Variants in SLC6A6 observed in about 807,000 individuals in gnomAD.
SLC6A6 encodes solute carrier family 6 member 6.
In SLC6A6, 16 loss-of-function variants were observed where a neutral mutation model predicts 68.8. That is an observed-to-expected ratio of 0.23 (90% CI 0.16 to 0.35). The LOEUF (loss-of-function observed/expected upper bound fraction) is 0.35. Ranked by LOEUF, SLC6A6 falls within the 10% of genes least tolerant of loss-of-function variation. The pLI is 1.00. For missense variants in SLC6A6, 474 were observed against 802.8 expected (o/e 0.59, Z 4.95); for synonymous variants, 312 against 315.4 (o/e 0.99, Z 0.12).
chr3:14,412,945 A>T (rs1699282361), intron 1 of SLC6A6, among the ~76,000 whole-genome samples: 1 of 152,218 alleles, frequency 6.6e-6, no homozygotes, highest in Admixed American at 6.5e-5. Flanking sequence ...GGCCAGCGCC[A>T]CCTTGGAAAG....
intron 2 of SLC6A6, 86 bp from the exon 3 acceptor site, chr3:14,443,538 T>C (rs1368817848): frequency 3.1e-6 from 3 of 972,782 alleles, no homozygotes. Context: ...GGGAGCCGGC[T>C]CGTGGATGAG....
intron 7 of SLC6A6, 40 bp from the exon 8 acceptor site, chr3:14,467,813 G>T: frequency 7.5e-7 from 1 of 1,340,228 alleles, no homozygotes; most frequent in Non-Finnish European, 1.1e-6. Context: ...AGCTCTGACA[G>T]CCCTCCTCTC....
At position 14,448,044 on chromosome 3, in the gene SLC6A6, C is replaced by T. The variant is rs979200776; in HGVS notation, c.599+228C>T. The stretch of plus-strand genomic sequence containing the variant: ...AGGCAAGCCACTCCTCCTTTCTGAG[C>T]CTCAGTTTCTTTACCTGTAAGATAA... On this transcript the variant is annotated intron_variant, in intron 5 of 14. Coordinates refer to ENST00000622186, the MANE Select transcript of SLC6A6 (RefSeq NM_003043.6). 7.9e-6 allele frequency: 10 copies of T among 1,262,704 alleles called. No individual in the cohort carries two copies. In the African/African-American group the frequency reaches 1.5e-4, roughly 19 times the overall value. The allele number at this position is 1,262,704 out of a possible 1,614,324, so 78.2% of individuals were successfully genotyped here.
chr3:14,476,895 A>G (rs1247125578), intron 10 of SLC6A6, among the ~76,000 whole-genome samples: 1 of 152,210 alleles, frequency 6.6e-6, no homozygotes, highest in East Asian at 1.9e-4. Context: ...GCTTTGGAGG[A>G]TGGGGAAAGG....
chr3:14,417,676 G>T (rs1240341065), intron 2 of SLC6A6, among the ~76,000 whole-genome samples: 1 of 150,652 alleles, frequency 6.6e-6, no homozygotes, highest in Non-Finnish European at 1.5e-5. Flanking sequence ...AGCTTGCAGC[G>T]AGCCGCGATC....
intron 3 of SLC6A6, among the ~76,000 whole-genome samples, chr3:14,444,517 G>A (rs768230413): frequency 1.3e-4 from 20 of 152,268 alleles, no homozygotes; most frequent in African/African-American, 4.1e-4. Context: ...CTTCTGTTAC[G>A]GGGTTGTGTT....
At chr3:14,446,417 G>A (rs1394269652) in intron 4 of SLC6A6, among the ~76,000 whole-genome samples, 1 of 152,200 alleles carries the variant, frequency 6.6e-6, no homozygotes, top group East Asian at 1.9e-4. Flanking sequence ...TCCACAAGGG[G>A]CGGGGAGCAA....
intron 7 of SLC6A6, 35 bp from the exon 8 acceptor site, chr3:14,467,818 C>A (rs377009788): frequency 7.1e-7 from 1 of 1,399,850 alleles, no homozygotes; most frequent in African/African-American, 1.4e-5. Flanking sequence ...TGACAGCCCT[C>A]CTCTCTTTCC....
chr3:14,436,903 C>T (rs939152559), intron 2 of SLC6A6, among the ~76,000 whole-genome samples: 1 of 152,208 alleles, frequency 6.6e-6, no homozygotes, highest in Non-Finnish European at 1.5e-5. Context: ...TTTGCCTTTG[C>T]CTAGTTCCCC....
chr3:14,468,341 C>CCA lies in SLC6A6; in HGVS notation c.1096+130_1096+131insAC. On this transcript the variant is annotated intron_variant, in intron 9 of 14. Coordinates refer to ENST00000622186, the MANE Select transcript of SLC6A6 (RefSeq NM_003043.6). The surrounding 1 kb of genome is among the most constrained non-coding windows in gnomAD (Gnocchi z 4.5). ...AGCCTGGTTTCTAAAATGGACCCCCCCCCCGCCACCAAGATATCCCCCAAA... is the reference window on the plus strand; with the variant it reads ...AGCCTGGTTTCTAAAATGGACCCCCCCACCCCGCCACCAAGATATCCCCCAAA... The CCA allele has an allele frequency of 2.7e-6, 2 of 733,466 alleles. No individual in the cohort carries two copies. Among genetic ancestry groups the CCA allele is most frequent in the Non-Finnish European group, 4.2e-6 (2 of 476,244 alleles). The allele number at this position is 733,466 out of a possible 1,614,324, so 45.4% of individuals were successfully genotyped here. A position where few individuals can be genotyped will look rare whatever the true frequency, so the allele number is the denominator to read the frequency against.
At chr3:14,409,628 C>T (rs1699194412) in intron 1 of SLC6A6, among the ~76,000 whole-genome samples, 1 of 152,222 alleles carries the variant, frequency 6.6e-6, no homozygotes, top group African/African-American at 2.4e-5. Flanking sequence ...GAGGAATACA[C>T]AGCACCTGTG....
At chr3:14,426,021 A>G (rs1426521216) in intron 2 of SLC6A6, among the ~76,000 whole-genome samples, 2 of 152,178 alleles carry the variant, frequency 1.3e-5, no homozygotes, top group African/African-American at 2.4e-5. Flanking sequence ...TGCTGCTCTT[A>G]TGATTGAGGC....
At chr3:14,454,063 CT>C (rs1264081563) in intron 5 of SLC6A6, among the ~76,000 whole-genome samples, 1 of 152,218 alleles carries the variant, frequency 6.6e-6, no homozygotes, top group Non-Finnish European at 1.5e-5. Flanking sequence ...TTGGCACCCC[CT>C]CGCTCTTAAA....
intron 14 of SLC6A6, among the ~76,000 whole-genome samples, chr3:14,483,551 G>A (rs927994963): frequency 4.6e-5 from 7 of 152,224 alleles, no homozygotes; most frequent in African/African-American, 1.7e-4. Flanking sequence ...AAGTGATGGA[G>A]GGAGAGCTGG....
chr3:14,471,503 G>A (rs1192076991), intron 9 of SLC6A6, among the ~76,000 whole-genome samples: 1 of 152,210 alleles, frequency 6.6e-6, no homozygotes, highest in Non-Finnish European at 1.5e-5. Flanking sequence ...GGCCCTGAGA[G>A]GGTATGGGGT....
chr3:14,464,579 C>T (rs934984355), intron 6 of SLC6A6, among the ~76,000 whole-genome samples: 1 of 152,166 alleles, frequency 6.6e-6, no homozygotes, highest in Non-Finnish European at 1.5e-5. Context: ...TCCAAAGCCC[C>T]TTTCTCATTG....
intron 10 of SLC6A6, among the ~76,000 whole-genome samples, chr3:14,476,857 T>C (rs1260237448): frequency 6.6e-6 from 1 of 152,216 alleles, no homozygotes; most frequent in African/African-American, 2.4e-5. Flanking sequence ...CAGCATTGGC[T>C]TCAGAGGCGC....
intron 2 of SLC6A6, among the ~76,000 whole-genome samples, chr3:14,435,552 G>A (rs748020609): frequency 1.5e-4 from 23 of 152,138 alleles, no homozygotes; most frequent in Admixed American, 5.9e-4. Flanking sequence ...GCTTTGTTCC[G>A]GGCAAAACAA....
At position 14,488,099 on chromosome 3, in the gene SLC6A6, C is replaced by G. The variant is rs1042361892; in HGVS notation, c.*3092C>G. 6.5e-6 allele frequency: 1 copy of G among 152,796 alleles called. No individual in the cohort carries two copies. The highest frequency in any genetic ancestry group is 2.4e-5 in the African/African-American group (1 of 41,424). The allele number at this position is 152,796 out of a possible 1,614,324, so 9.5% of individuals were successfully genotyped here. Reference sequence around the variant, plus strand: ...CTTGGTGAGCTAGGAATTGAGATCCCTGTTTGTGAAAGAGGGAACTGAGGT... The same window carrying G: ...CTTGGTGAGCTAGGAATTGAGATCCGTGTTTGTGAAAGAGGGAACTGAGGT... On this transcript the variant is annotated 3_prime_UTR_variant, in exon 15 of 15. Coordinates refer to ENST00000622186, the MANE Select transcript of SLC6A6 (RefSeq NM_003043.6).
Sources: gnomAD v4.1 joint callset for allele counts (sites outside exome capture counted in the v4.1 genomes callset) on GRCh38, gnomAD v4.1.1 for gene constraint, Gnocchi (gnomAD v3.1) non-coding constraint, MANE v1.5 for transcripts, NCBI Gene and HGNC (gene_info 2026-07-23, HGNC 2026-07-21) for gene names.